Variants in RASAL2 observed in about 807,000 individuals in gnomAD.
The protein encoded by RASAL2 is RAS protein activator like 2.
In RASAL2, 58 loss-of-function variants were observed where a neutral mutation model predicts 128.9. The ratio of observed to expected loss-of-function variants is 0.45; its 90% CI spans 0.36 to 0.56. The LOEUF is 0.56. RASAL2 is among the 20% of genes least tolerant of loss of function. RASAL2 has a pLI of 0.00. For synonymous variants in RASAL2, 561 were observed against 580.8 expected, an observed-to-expected ratio of 0.97 and a Z score of 0.49; for missense variants, 1,360 against 1,601.6, an observed-to-expected ratio of 0.85 and a Z score of 2.57.
intron 4 of RASAL2, among the ~76,000 whole-genome samples, chr1:178,404,373 AT>A (rs35050024): frequency 0.22 from 34,164 of 151,852 alleles, 6,728 homozygotes; most frequent in African/African-American, 0.53. Context: ...GACAAATGCA[AT>A]TTTTTTGTTT....
intron 1 of RASAL2, among the ~76,000 whole-genome samples, chr1:178,238,494 G>C (rs956484946): frequency 6.6e-6 from 1 of 152,076 alleles, no homozygotes; most frequent in Non-Finnish European, 1.5e-5. Flanking sequence ...GTGACCTTAA[G>C]TCACATTAAA....
At chr1:178,356,381 A>G (rs1159790903) in intron 3 of RASAL2, among the ~76,000 whole-genome samples, 2 of 152,094 alleles carry the variant, frequency 1.3e-5, no homozygotes, top group Non-Finnish European at 2.9e-5. Flanking sequence ...ACATAAATAC[A>G]TGCTTATGTA....
At chr1:178,343,870 G>A (rs1670008818) in intron 3 of RASAL2, among the ~76,000 whole-genome samples, 1 of 151,614 alleles carries the variant, frequency 6.6e-6, no homozygotes, top group Admixed American at 6.6e-5. Context: ...TTTTATTGGT[G>A]TATAATACAT....
intron 1 of RASAL2, among the ~76,000 whole-genome samples, chr1:178,193,282 A>T (rs975536522): frequency 1.3e-5 from 2 of 152,186 alleles, no homozygotes; most frequent in African/African-American, 4.8e-5. Context: ...GGTTCATAGG[A>T]TAAACGCAAG....
In RASAL2 at chr1:178,413,483, C is replaced by G. The variant is rs571364250; in HGVS notation, c.565-7028C>G. Reference sequence around the variant, plus strand: ...CTAATAGGACTTCAGAATGTTTTCCCCCACCTTACTACTACATGACTAAAG... The same window carrying G: ...CTAATAGGACTTCAGAATGTTTTCCGCCACCTTACTACTACATGACTAAAG... On this transcript the variant is annotated intron_variant, in intron 4 of 17. Coordinates refer to ENST00000367649, the MANE Select transcript of RASAL2 (RefSeq NM_170692.4). Among the ~76,000 whole-genome samples the G allele has an allele frequency of 1.8e-4, 28 of 152,304 alleles. No homozygotes were observed. In the South Asian group the frequency reaches 5.4e-3, roughly 29 times the overall value.
At chr1:178,423,486 G>A (rs1019925763) in intron 5 of RASAL2, among the ~76,000 whole-genome samples, 2 of 152,178 alleles carry the variant, frequency 1.3e-5, no homozygotes, top group Admixed American at 6.6e-5. Context: ...ATATATCCTA[G>A]GTACTTTATA....
At chr1:178,271,165 A>C (rs764723272) in intron 1 of RASAL2, among the ~76,000 whole-genome samples, 4 of 152,178 alleles carry the variant, frequency 2.6e-5, no homozygotes, top group Non-Finnish European at 5.9e-5. Flanking sequence ...AGAGCTACCT[A>C]GTACTGGCCT....
At position 178,397,751 on chromosome 1, in the gene RASAL2, G is replaced by A. The variant is rs536355581; in HGVS notation, c.564+7545G>A. ...CAGCTGTGAAGCTGGAACCACAAGC[G>A]CATGGCACTGTACCTGGCTAATTTT... On this transcript the variant is annotated intron_variant, in intron 4 of 17. Coordinates refer to ENST00000367649, the MANE Select transcript of RASAL2 (RefSeq NM_170692.4). 3.3e-5 allele frequency among the ~76,000 whole-genome samples: 5 copies of A among 151,026 alleles called. No individual in the cohort carries two copies. The East Asian group carries it at 7.7e-4, about 23-fold the overall frequency.
intron 1 of RASAL2, among the ~76,000 whole-genome samples, chr1:178,171,455 C>A (rs1661703891): frequency 6.6e-6 from 1 of 151,870 alleles, no homozygotes; most frequent in Non-Finnish European, 1.5e-5. Flanking sequence ...TTGGGAAATT[C>A]ATATTTTTGA....
intron 1 of RASAL2, among the ~76,000 whole-genome samples, chr1:178,260,375 T>A (rs1421976330): frequency 0.3 from 1,284 of 4,308 alleles, 315 homozygotes; most frequent in African/African-American, 0.44. Context: ...TATATATATA[T>A]ATATATATAT....
At chr1:178,446,543 C>G (rs977556302) in intron 9 of RASAL2, among the ~76,000 whole-genome samples, 10 of 152,096 alleles carry the variant, frequency 6.6e-5, no homozygotes, top group African/African-American at 2.2e-4. Flanking sequence ...AGGTGTTTTA[C>G]TTTTTTATTC....
rs371928771 is a variant in RASAL2 at position 178,259,440 on chromosome 1, A to G, written c.203-24124A>G. ...TGACAAGAATGTTCTAAAATCGTCTATGTTGATTGCACATATCTGTGAATA... is the reference window on the plus strand; with the variant it reads ...TGACAAGAATGTTCTAAAATCGTCTGTGTTGATTGCACATATCTGTGAATA... On this transcript the variant is annotated intron_variant, in intron 1 of 17. Coordinates refer to ENST00000367649, the MANE Select transcript of RASAL2 (RefSeq NM_170692.4). Among the ~76,000 whole-genome samples, 10 of 152,346 alleles carry G rather than the reference A, an allele frequency of 6.6e-5. No individual in the cohort carries two copies. The East Asian group carries it at 1.5e-3, about 23-fold the overall frequency.
chr1:178,135,496 TAAAA>T (rs1207102103), intron 1 of RASAL2, among the ~76,000 whole-genome samples: 3 of 116,374 alleles, frequency 2.6e-5, no homozygotes, highest in African/African-American at 6.3e-5. Flanking sequence ...TGTCTCTTCA[TAAAA>T]AAAAAAAAAA....
Position 178,094,419 on chromosome 1 carries a change from G to T in RASAL2, c.-74G>T, listed in dbSNP as rs1658588691. On this transcript the variant is annotated 5_prime_UTR_variant, in exon 1 of 18. Coordinates refer to ENST00000367649, the MANE Select transcript of RASAL2 (RefSeq NM_170692.4). Reference sequence around the variant, plus strand: ...TGCGCGCTCTCCTCCTCCCCTTACCGCAGGCAGGGCGCGGAGCCGCGCGCC... The same window carrying T: ...TGCGCGCTCTCCTCCTCCCCTTACCTCAGGCAGGGCGCGGAGCCGCGCGCC... 3 of 1,381,134 alleles carry T rather than the reference G, an allele frequency of 2.2e-6. No homozygotes were observed. The highest frequency in any genetic ancestry group is 2.9e-5 in the South Asian group (2 of 68,094). 85.6% of individuals were successfully genotyped at this position (1,381,134 alleles called of 1,614,324 possible). A position where few individuals can be genotyped will look rare whatever the true frequency, so the allele number is the denominator to read the frequency against.
rs561730069 is a variant in RASAL2 at position 178,201,178 on chromosome 1, G to C, written c.203-82386G>C. ...GTGGGATGATGGTGGATGGAACGTA[G>C]AGTTGGATCAGGCTGAATTTATCAA... On this transcript the variant is annotated intron_variant, in intron 1 of 17. Transcript: ENST00000367649. 2.0e-5 allele frequency among the ~76,000 whole-genome samples: 3 copies of C among 152,312 alleles called. No homozygotes were observed. In the East Asian group the frequency reaches 5.8e-4, roughly 29 times the overall value.
chr1:178,262,199 G>T (rs1205004263), intron 1 of RASAL2, among the ~76,000 whole-genome samples: 1 of 152,148 alleles, frequency 6.6e-6, no homozygotes. Flanking sequence ...GAGAAAGTGG[G>T]CAGGCTCCTT....
chr1:178,208,302 C>T (rs1207777120), intron 1 of RASAL2, among the ~76,000 whole-genome samples: 3 of 152,076 alleles, frequency 2.0e-5, no homozygotes, highest in East Asian at 1.9e-4. Flanking sequence ...GGAGAGACAT[C>T]GCTAAATTCT....
intron 1 of RASAL2, among the ~76,000 whole-genome samples, chr1:178,255,176 G>A (rs1665270656): frequency 6.6e-6 from 1 of 151,944 alleles, no homozygotes; most frequent in Non-Finnish European, 1.5e-5. Context: ...GTCACCAGCA[G>A]ACTTGCCGTA....
chr1:178,136,587 C>T (rs1262745602), intron 1 of RASAL2, among the ~76,000 whole-genome samples: 1 of 151,518 alleles, frequency 6.6e-6, no homozygotes, highest in Non-Finnish European at 1.5e-5. Flanking sequence ...GAAACCCTGT[C>T]TCTACCAAAA....
Sources: gnomAD v4.1 joint callset for allele counts (sites outside exome capture counted in the v4.1 genomes callset) on GRCh38, gnomAD v4.1.1 for gene constraint, MANE v1.5 for transcripts, NCBI Gene and HGNC (gene_info 2026-07-23, HGNC 2026-07-21) for gene names.